The following ISLR2 variants were observed in gnomAD, a reference collection of about 807,000 sequenced individuals.
The protein encoded by ISLR2 is immunoglobulin superfamily containing leucine-rich repeat protein 2.
A neutral mutation model predicts 25.5 loss-of-function variants in ISLR2; 16 were observed. The observed-to-expected ratio is 0.63, with a 90% confidence interval of 0.43 to 0.95. The LOEUF (loss-of-function observed/expected upper bound fraction) is 0.95. Among genes scored for constraint, ISLR2 ranks in the 40% least tolerant of loss-of-function variants. The probability of loss-of-function intolerance (pLI) is 0.00; values close to 1 mark genes in which losing one functional copy is unlikely to be tolerated. For synonymous variants in ISLR2, 508 were observed against 486.6 expected, an observed-to-expected ratio of 1.04 and a Z score of -0.58; for missense variants, 883 against 1,030.7, an observed-to-expected ratio of 0.86 and a Z score of 1.96.
chr15:74,128,094 C>T (rs565030729), upstream of ISLR2: 2 of 230,710 alleles, frequency 8.7e-6, no homozygotes, highest in South Asian at 1.0e-4. Context: ...GCTCCACAGC[C>T]CTCCCTAACT....
In ISLR2 at chr15:74,134,920, G is replaced by A; in HGVS notation, c.2166G>A (p.Arg722=). Residue 722 remains arginine (R), a synonymous_variant, in exon 3 of 3, where the codon CGG becomes CGA. Transcript: ENST00000453268. ...EFEAGSEYSD[R]LPLGAEAVNI... Reference sequence around the variant, plus strand: ...AGGCGGGCTCTGAGTACAGCGATCGGCTGCCCCTGGGCGCCGAGGCGGTCA... The same window carrying A: ...AGGCGGGCTCTGAGTACAGCGATCGACTGCCCCTGGGCGCCGAGGCGGTCA... 2.5e-6 allele frequency: 4 copies of A among 1,614,052 alleles called. No homozygotes were observed. The highest frequency in any genetic ancestry group is 3.4e-6 in the Non-Finnish European group (4 of 1,180,030).
At chr15:74,129,281 C>G (rs2072352795), upstream of ISLR2, 1 of 322,698 alleles carries the variant, frequency 3.1e-6, no homozygotes, top group Non-Finnish European at 6.0e-6. The surrounding 1 kb of genome is among the most constrained non-coding windows in gnomAD (Gnocchi z 4.5). Flanking sequence ...AAAGCAGCCT[C>G]GGAACCCCGG....
intron 2 of ISLR2, among the ~76,000 whole-genome samples, chr15:74,120,106 G>T (rs565411066): frequency 6.6e-6 from 1 of 152,298 alleles, no homozygotes; most frequent in Non-Finnish European, 1.5e-5. Flanking sequence ...GGCTCCAAGC[G>T]CTTGCCCCAA....
rs2072553511 is a variant in ISLR2, at chr15:74,135,669, T to A, written c.*677T>A. On this transcript the variant is annotated 3_prime_UTR_variant, in exon 3 of 3. Coordinates refer to ENST00000453268, the MANE Select transcript of ISLR2 (RefSeq NM_020851.3). ...GGCGCGCGCCACCACGACCAGCTAA[T>A]TTCTTCTATTTTTAGTAGAGACGGG... The A allele has an allele frequency of 6.5e-6, 1 of 152,768 alleles. No homozygotes were observed. Among genetic ancestry groups the A allele is most frequent in the South Asian group, 2.1e-4 (1 of 4,804 alleles). The allele number at this position is 152,768 out of a possible 1,614,324, so 9.5% of individuals were successfully genotyped here.
rs1193858170 is a variant in ISLR2 at position 74,132,434 on chromosome 15, G to T, written c.-8-313G>T. 6.6e-6 allele frequency among the ~76,000 whole-genome samples: 1 copy of T among 152,186 alleles called. No homozygotes were observed. ...AGAAACACAGAGAGGGGTACGTGAGGAGCCCGCTGGAGATGGGCGAGCTGC... is the reference window on the plus strand; with the variant it reads ...AGAAACACAGAGAGGGGTACGTGAGTAGCCCGCTGGAGATGGGCGAGCTGC... On this transcript the variant is annotated intron_variant, in intron 2 of 2. Coordinates refer to ENST00000453268, the MANE Select transcript of ISLR2 (RefSeq NM_020851.3). This position sits in a 1 kb window ranked among gnomAD's most constrained non-coding sequence, Gnocchi z 4.3.
chr15:74,107,774 C>G (rs1043902102), intron 2 of ISLR2, among the ~76,000 whole-genome samples: 1 of 152,224 alleles, frequency 6.6e-6, no homozygotes, highest in Admixed American at 6.5e-5. Flanking sequence ...TCATTCGATG[C>G]AGAGACCAGC....
chr15:74,133,931 C>T lies in ISLR2; in HGVS notation c.1177C>T (p.Pro393Ser). Residue 393 changes from proline (P) to serine (S), a missense_variant, in exon 3 of 3, where the codon CCG becomes TCG. This residue lies in a region of ISLR2 where 612 missense variants were observed against 642.8 expected (regional missense o/e 0.95). Coordinates refer to ENST00000453268, the MANE Select transcript of ISLR2 (RefSeq NM_020851.3). The part of the protein sequence containing the change: ...GAGGEPDGQA[P>S]TSERKSTAKG... ...CGGGGGAGAACCCGACGGACAGGCC[C>T]CGACCTCTGAGCGCAAGTCCACAGC... 2 of 1,604,156 alleles carry T rather than the reference C, an allele frequency of 1.2e-6. No individual in the cohort carries two copies.
chr15:74,135,270 G>C lies in ISLR2; in HGVS notation c.*278G>C. 2.4e-6 allele frequency: 1 copy of C among 424,752 alleles called. No homozygotes were observed. The highest frequency in any genetic ancestry group is 3.9e-5 in the East Asian group (1 of 25,672). 26.3% of individuals were successfully genotyped at this position (424,752 alleles called of 1,614,324 possible). On this transcript the variant is annotated 3_prime_UTR_variant, in exon 3 of 3. Transcript: ENST00000453268. ...CCATGCAAGACTCCACCCGCAGACGGTGGGCGATATCTATGTCCCTCCATT... is the reference window on the plus strand; with the variant it reads ...CCATGCAAGACTCCACCCGCAGACGCTGGGCGATATCTATGTCCCTCCATT...
chr15:74,134,668 G>A lies in ISLR2; in HGVS notation c.1914G>A (p.Glu638=), dbSNP rs774598345. ...GGCCTCAGGCCCCTGACCCTATGGAGAAGCGCATCGCCGCAGACTTCGACC... is the reference window on the plus strand; with the variant it reads ...GGCCTCAGGCCCCTGACCCTATGGAAAAGCGCATCGCCGCAGACTTCGACC... ...ILRPQAPDPM[E]KRIAADFDPR... The change falls in exon 3 of 3, where the codon GAG becomes GAA. Residue 638 remains glutamate, a synonymous_variant. Coordinates refer to ENST00000453268, the MANE Select transcript of ISLR2 (RefSeq NM_020851.3). The A allele has an allele frequency of 6.2e-7, 1 of 1,614,166 alleles. No individual in the cohort carries two copies.
At chr15:74,131,685 G>A (rs1162460743) in intron 2 of ISLR2, among the ~76,000 whole-genome samples, 2 of 152,172 alleles carry the variant, frequency 1.3e-5, no homozygotes, top group South Asian at 4.1e-4. Flanking sequence ...TGACCTGTTG[G>A]CTGAGGACGC....
chr15:74,138,671 C>T (rs1426269223), downstream of ISLR2: 4 of 152,284 alleles, frequency 2.6e-5, 1 homozygote, highest in South Asian at 4.1e-4. Flanking sequence ...GTCAACAGCC[C>T]GATCTCATAG....
chr15:74,120,389 C>T (rs1042937588), intron 2 of ISLR2, among the ~76,000 whole-genome samples: 13 of 152,052 alleles, frequency 8.5e-5, no homozygotes, highest in African/African-American at 2.7e-4. Context: ...GGTGTGATGG[C>T]GTGTGCCTGT....
chr15:74,111,335 A>G lies in ISLR2; in HGVS notation n.228+7421A>G, dbSNP rs981612437. 2.6e-5 allele frequency among the ~76,000 whole-genome samples: 4 copies of G among 151,644 alleles called. No individual in the cohort carries two copies. In the East Asian group the frequency reaches 7.8e-4, roughly 29 times the overall value. On this transcript the variant is annotated intron_variant and non_coding_transcript_variant, in intron 2 of 3. Transcript: ENST00000561975. The stretch of plus-strand genomic sequence containing the variant: ...TGAGACAAAGTCTCACTCTGGCCCT[A>G]CTGGAGTGCAGTGGCATGATCTCGG...
upstream of ISLR2, among the ~76,000 whole-genome samples, chr15:74,125,687 C>T (rs971190455): frequency 4.2e-4 from 64 of 152,328 alleles, no homozygotes; most frequent in Admixed American, 5.9e-4. Context: ...CTTGCCAGTA[C>T]GTTAAGCTAA....
At chr15:74,122,715 C>T (rs559355098) in intron 2 of ISLR2, among the ~76,000 whole-genome samples, 1 of 152,202 alleles carries the variant, frequency 6.6e-6, no homozygotes, top group Admixed American at 6.5e-5. Flanking sequence ...AAGCAAGAGA[C>T]TGAAGGTCTG....
chr15:74,128,549 CG>C (rs1367226150), upstream of ISLR2: 3 of 456,616 alleles, frequency 6.6e-6, no homozygotes, highest in Non-Finnish European at 8.8e-6. Flanking sequence ...GCTTATAGGA[CG>C]GGTTCCTGCA....
chr15:74,139,923 C>T (rs1213260040), downstream of ISLR2, among the ~76,000 whole-genome samples: 1 of 138,696 alleles, frequency 7.2e-6, no homozygotes, highest in Non-Finnish European at 1.5e-5. Flanking sequence ...TCTTGAGAGA[C>T]CTGGAAAATG....
At chr15:74,118,544 A>C (rs1371722491) in intron 2 of ISLR2, among the ~76,000 whole-genome samples, 3 of 152,166 alleles carry the variant, frequency 2.0e-5, no homozygotes, top group Non-Finnish European at 1.5e-5. Flanking sequence ...TTTTTGGATA[A>C]TTATCACTAG....
Position 74,133,496 on chromosome 15 carries a change from A to C in ISLR2, c.742A>C (p.Thr248Pro). Residue 248 changes from threonine to proline, a missense_variant, in exon 3 of 3, where the codon ACC (threonine) becomes CCC (proline). By Grantham distance (38) the Thr-to-Pro change is conservative. Transcript: ENST00000453268. ...SAEPPLEAPG[T>P]PLRAGLAFVL... ...CGAGCCACCGCTTGAAGCACCCGGC[A>C]CCCCACTGCGCGCAGGACTGGCGTT... 1.2e-6 allele frequency: 2 copies of C among 1,613,756 alleles called. No homozygotes were observed. Among genetic ancestry groups the C allele is most frequent in the Non-Finnish European group, 1.7e-6 (2 of 1,179,922 alleles).
Sources: allele counts gnomAD v4.1 joint callset (sites outside exome capture counted in the v4.1 genomes callset), GRCh38; gene constraint gnomAD v4.1.1; regional missense constraint gnomAD v4.1.1; non-coding constraint Gnocchi (gnomAD v3.1); transcripts MANE v1.5; gene names NCBI Gene and HGNC (gene_info 2026-07-23, HGNC 2026-07-21).